TECPR1: variants seen among roughly 807,000 people sequenced by gnomAD.
TECPR1 encodes tectonin beta-propeller repeat containing 1.
A neutral mutation model predicts 162.4 loss-of-function variants in TECPR1; 122 were observed. That is an observed-to-expected ratio of 0.75 (90% CI 0.65 to 0.87). The LOEUF is 0.87. Ranked by LOEUF, TECPR1 falls within the 40% of genes least tolerant of loss-of-function variation. The pLI is 0.00. For synonymous variants in TECPR1, 642 were observed against 670.6 expected (o/e 0.96, Z 0.66); for missense variants, 1,432 against 1,618.2 (o/e 0.88, Z 1.97).
chr7:98,217,109 G>A lies in TECPR1; in HGVS notation c.*281C>T. ...TGGAAAGGCAGAAGGGAGAGGGGAA[G>A]GGAAGGGTGGGAGGGGCCTCTGGGA... On this transcript the variant is annotated 3_prime_UTR_variant, in exon 26 of 26. Transcript: ENST00000447648. 1 of 370,164 alleles carries A rather than the reference G, an allele frequency of 2.7e-6. No homozygotes were observed. The highest frequency in any genetic ancestry group is 4.9e-6 in the Non-Finnish European group (1 of 205,362). 22.9% of individuals were successfully genotyped at this position (370,164 alleles called of 1,614,324 possible).
intron 2 of TECPR1, 35 bp from the exon 3 acceptor site, chr7:98,246,200 C>G: frequency 7.1e-7 from 1 of 1,411,084 alleles, no homozygotes; most frequent in Non-Finnish European, 9.7e-7. Flanking sequence ...CGTTCAGGCT[C>G]CCAGCCCAGG....
intron 15 of TECPR1, 146 bp from the exon 16 acceptor site, chr7:98,229,312 C>T: frequency 9.3e-7 from 1 of 1,075,776 alleles, no homozygotes; most frequent in Admixed American, 2.7e-5. Context: ...CCCTGCCTGA[C>T]CTCCGCGTTC....
chr7:98,241,374 C>A lies in TECPR1; in HGVS notation c.658-130G>T. The A allele has an allele frequency of 8.5e-7, 1 of 1,178,982 alleles. No individual in the cohort carries two copies. Among genetic ancestry groups the A allele is most frequent in the Non-Finnish European group, 1.2e-6 (1 of 840,878 alleles). 73.0% of individuals were successfully genotyped at this position (1,178,982 alleles called of 1,614,324 possible). On this transcript the variant is annotated intron_variant, in intron 6 of 25. Coordinates refer to ENST00000447648, the MANE Select transcript of TECPR1 (RefSeq NM_015395.3). The surrounding 1 kb of genome is among the most constrained non-coding windows in gnomAD (Gnocchi z 5.0). ...CCAGATCTCACTCCCTGCCCCCTACCCCGGCCAAAAAACGCAAACCCTGGA... is the reference window on the plus strand; with the variant it reads ...CCAGATCTCACTCCCTGCCCCCTACACCGGCCAAAAAACGCAAACCCTGGA...
chr7:98,227,665 A>G (rs1345900724), intron 17 of TECPR1, among the ~76,000 whole-genome samples: 2 of 151,174 alleles, frequency 1.3e-5, no homozygotes, highest in East Asian at 2.0e-4. Flanking sequence ...TACTAACAAT[A>G]CAAAAAATTT....
In TECPR1 at chr7:98,232,189, C is replaced by T. The variant is rs1462947040; in HGVS notation, c.1819-230G>A. ...TCCGTACAACCTCCTCTCTCTCAAA[C>T]AGCCAGAGTGGGCACTGCCATCCCG... On this transcript the variant is annotated intron_variant, in intron 12 of 25. Coordinates refer to ENST00000447648, the MANE Select transcript of TECPR1 (RefSeq NM_015395.3). This position sits in a 1 kb window ranked among gnomAD's most constrained non-coding sequence, Gnocchi z 4.6. 2.6e-5 allele frequency among the ~76,000 whole-genome samples: 4 copies of T among 152,184 alleles called. No individual in the cohort carries two copies. Among genetic ancestry groups the T allele is most frequent in the Non-Finnish European group, 4.4e-5 (3 of 68,032 alleles).
rs745672716 is a variant in TECPR1 at position 98,231,974 on chromosome 7, G to T, written c.1819-15C>A. 6.3e-7 allele frequency: 1 copy of T among 1,590,648 alleles called. No individual in the cohort carries two copies. Among genetic ancestry groups the T allele is most frequent in the Admixed American group, 1.7e-5 (1 of 58,788 alleles). ...ACCCACACCGACTGCGCAGGCCGGG[G>T]CAGTGGACACCATCACAGGCAGGCC... On this transcript the variant is annotated splice_polypyrimidine_tract_variant and intron_variant, in intron 12 of 25. Coordinates refer to ENST00000447648, the MANE Select transcript of TECPR1 (RefSeq NM_015395.3).
intron 9 of TECPR1, among the ~76,000 whole-genome samples, 194 bp downstream of exon 9, chr7:98,238,315 C>T (rs1488677747): frequency 6.6e-6 from 1 of 152,172 alleles, no homozygotes; most frequent in African/African-American, 2.4e-5. Context: ...CCTCTGGGTG[C>T]TGTGCCACCG....
At position 98,232,811 on chromosome 7, in the gene TECPR1, C is replaced by T; in HGVS notation, c.1818+16G>A. 6.4e-7 allele frequency: 1 copy of T among 1,552,066 alleles called. No homozygotes were observed. The highest frequency in any genetic ancestry group is 8.7e-7 in the Non-Finnish European group (1 of 1,152,922). On this transcript the variant is annotated intron_variant, in intron 12 of 25. Transcript: ENST00000447648. This position sits in a 1 kb window ranked among gnomAD's most constrained non-coding sequence, Gnocchi z 4.6. ...AAAAAAAAAAAAAATGCATGCGCAG[C>T]CACCGGGGCACCCACCTGCTCCACG...
chr7:98,223,623 G>T (rs2116542268), intron 20 of TECPR1, 39 bp downstream of exon 20: 1 of 1,611,894 alleles, frequency 6.2e-7, no homozygotes, highest in East Asian at 2.2e-5. Flanking sequence ...GCTCCTCCAG[G>T]AGCCTGACCG....
rs1798011346 is a variant in TECPR1, at chr7:98,216,524, A to T, written c.*866T>A. On this transcript the variant is annotated 3_prime_UTR_variant, in exon 26 of 26. Transcript: ENST00000447648. ...GGGAAGAGGACATCCCATCCACTCC[A>T]GTGTTATTTCCAATCTGCTGTCTCC... 1 of 148,542 alleles carries T rather than the reference A, an allele frequency of 6.7e-6. No homozygotes were observed. The allele number at this position is 148,542 out of a possible 1,614,324, so 9.2% of individuals were successfully genotyped here.
Position 98,236,864 on chromosome 7 carries a change from T to TG in TECPR1, c.1092dup (p.Ser365GlnfsTer18). The TG allele has an allele frequency of 6.3e-7, 1 of 1,582,122 alleles. No homozygotes were observed. The highest frequency in any genetic ancestry group is 1.2e-5 in the South Asian group (1 of 86,260). The stretch of plus-strand genomic sequence containing the variant: ...TTCCAGGTCTTCCCACTGAGCTCGC[T>TG]GGGGGTGACACCCTGCCGGAAGTAC... On this transcript the variant is annotated frameshift_variant, in exon 10 of 26. Coordinates refer to ENST00000447648, the MANE Select transcript of TECPR1 (RefSeq NM_015395.3). LOFTEE classifies it high-confidence loss of function.
intron 21 of TECPR1, 150 bp downstream of exon 21, chr7:98,222,840 G>A (rs1798177533): frequency 2.8e-6 from 3 of 1,090,748 alleles, no homozygotes; most frequent in East Asian, 2.4e-5. Context: ...CCTCATTCCT[G>A]GGCCAACTGC....
chr7:98,223,965 C>G (rs1039194625), intron 19 of TECPR1, among the ~76,000 whole-genome samples: 2 of 152,032 alleles, frequency 1.3e-5, no homozygotes, highest in African/African-American at 4.8e-5. Context: ...GGGTTGGGGC[C>G]TCCCAGGGGC....
chr7:98,231,749 C>A, intron 13 of TECPR1, 55 bp downstream of exon 13: 1 of 1,576,714 alleles, frequency 6.3e-7, no homozygotes, highest in South Asian at 1.1e-5. Flanking sequence ...CCTCCTCTAG[C>A]ACCCCAGCCC....
At chr7:98,245,877 C>G in intron 3 of TECPR1, 45 bp downstream of exon 3, 1 of 1,525,580 alleles carries the variant, frequency 6.6e-7, no homozygotes, top group Non-Finnish European at 8.9e-7. Flanking sequence ...ACCAATAACC[C>G]AGCGAACTGA....
At chr7:98,227,295 G>A (rs1798300518) in intron 17 of TECPR1, among the ~76,000 whole-genome samples, 1 of 151,630 alleles carries the variant, frequency 6.6e-6, no homozygotes, top group African/African-American at 2.4e-5. Context: ...GTTAGGCTGA[G>A]GCAGGAGAAT....
At chr7:98,218,168 C>T in intron 23 of TECPR1, 126 bp from the exon 24 acceptor site, 1 of 727,486 alleles carries the variant, frequency 1.4e-6, no homozygotes, top group Non-Finnish European at 2.3e-6. Context: ...GCTGGGGAGG[C>T]AGGAGGGTCC....
At chr7:98,248,860 CA>C (rs1275520495) in intron 2 of TECPR1, among the ~76,000 whole-genome samples, 5 of 149,984 alleles carry the variant, frequency 3.3e-5, no homozygotes, top group African/African-American at 7.3e-5. Context: ...AAAAACAAAA[CA>C]AAAAACTAGG....
intron 2 of TECPR1, chr7:98,251,034 T>G (rs1799051837): frequency 6.6e-6 from 1 of 152,164 alleles, no homozygotes; most frequent in African/African-American, 2.4e-5. Flanking sequence ...GGCTGTGAGC[T>G]GATCAGGCAA....
Sources: allele counts gnomAD v4.1 joint callset (sites outside exome capture counted in the v4.1 genomes callset), GRCh38; gene constraint gnomAD v4.1.1; non-coding constraint Gnocchi (gnomAD v3.1); transcripts MANE v1.5; gene names NCBI Gene and HGNC (gene_info 2026-07-23, HGNC 2026-07-21).